GPC3: variants seen among roughly 807,000 people sequenced by gnomAD.
GPC3 encodes the protein glypican-3.
In GPC3, 3 loss-of-function variants were observed where a neutral mutation model predicts 34.4. That is an observed-to-expected ratio of 0.09 (90% CI 0.04 to 0.23). GPC3 has a LOEUF of 0.23. Ranked by LOEUF, GPC3 falls within the 10% of genes least tolerant of loss-of-function variation. The probability of loss-of-function intolerance (pLI) is 1.00; values close to 1 mark genes in which losing one functional copy is unlikely to be tolerated. For synonymous variants in GPC3, 177 were observed against 174.0 expected (o/e 1.02, Z -0.13); for missense variants, 351 against 445.6 (o/e 0.79, Z 1.91).
chrX:133,538,282 C>A (rs1289623723), intron 7 of GPC3, among the ~76,000 whole-genome samples: 1 of 112,418 alleles, frequency 8.9e-6, no homozygotes. Context: ...AAGGATAGCA[C>A]AGGCTTAGGT....
In GPC3 at chrX:133,826,119, C is replaced by T. The variant is rs1179034848; in HGVS notation, c.338-71943G>A. Among the ~76,000 whole-genome samples, 4 of 111,577 alleles carry T rather than the reference C, an allele frequency of 3.6e-5. No homozygotes were observed. The East Asian group carries it at 1.1e-3, about 31-fold the overall frequency. On this transcript the variant is annotated intron_variant, in intron 2 of 7. Transcript: ENST00000370818. ...AACGCCCAATTTTTAACCAAAAAAC[C>T]CACAAAAGACACGCAAAGAAACAAG...
intron 5 of GPC3, among the ~76,000 whole-genome samples, chrX:133,688,764 A>T (rs1226215163): frequency 9.0e-6 from 1 of 111,631 alleles, no homozygotes; most frequent in African/African-American, 3.3e-5. Context: ...AGGAAGTGGT[A>T]ACTGTTACTT....
chrX:133,673,515 A>G (rs1384546220), intron 5 of GPC3, among the ~76,000 whole-genome samples: 1 of 112,669 alleles, frequency 8.9e-6, no homozygotes. Context: ...CTGACGTTCA[A>G]AATAATGATC....
rs762285202 is a variant in GPC3, at chrX:133,555,491, T to C, written c.1574-19198A>G. Reference sequence around the variant, plus strand: ...TCTTTCTGAAGATCTAACTGCCCACTGGCCATTTCTACTTGGATGTCTCTC... The same window carrying C: ...TCTTTCTGAAGATCTAACTGCCCACCGGCCATTTCTACTTGGATGTCTCTC... On this transcript the variant is annotated intron_variant, in intron 7 of 7. Coordinates refer to ENST00000370818, the MANE Select transcript of GPC3 (RefSeq NM_004484.4). Among the ~76,000 whole-genome samples the C allele has an allele frequency of 7.0e-4, 78 of 111,951 alleles. 1 individual carries two copies. Among genetic ancestry groups the C allele is most frequent in the Non-Finnish European group, 5.1e-4 (27 of 53,238 alleles).
intron 6 of GPC3, among the ~76,000 whole-genome samples, chrX:133,655,067 C>T (rs2070642277): frequency 9.0e-6 from 1 of 111,671 alleles, no homozygotes; most frequent in African/African-American, 3.3e-5. Context: ...ATTTAATATG[C>T]AAGGACTAAA....
intron 5 of GPC3, among the ~76,000 whole-genome samples, chrX:133,685,051 AT>A (rs2070985227): frequency 9.0e-6 from 1 of 111,146 alleles, no homozygotes; most frequent in African/African-American, 3.3e-5. Context: ...CCACTATATA[AT>A]TGATCCATGT....
chrX:133,905,540 T>G (rs2076164253), intron 2 of GPC3, among the ~76,000 whole-genome samples: 1 of 112,062 alleles, frequency 8.9e-6, no homozygotes, highest in Non-Finnish European at 1.9e-5. Context: ...GATCACACCT[T>G]CAGGTTATCA....
intron 3 of GPC3, chrX:133,704,142 C>T (rs2071192887): frequency 2.1e-5 from 14 of 670,092 alleles, no homozygotes; most frequent in Non-Finnish European, 2.7e-5. Context: ...GCCTACCACC[C>T]CACTTCCACC....
At chrX:133,721,260 C>T (rs771256496) in intron 3 of GPC3, among the ~76,000 whole-genome samples, 1 of 108,924 alleles carries the variant, frequency 9.2e-6, no homozygotes, top group South Asian at 4.0e-4. Flanking sequence ...ACTGATAAAC[C>T]TTTAGGTAGA....
At chrX:133,617,837 T>C (rs939045350) in intron 6 of GPC3, among the ~76,000 whole-genome samples, 20 of 111,491 alleles carry the variant, frequency 1.8e-4, no homozygotes, top group African/African-American at 5.9e-4. Context: ...TTGCCCAGGC[T>C]GGTCTCCAAC....
chrX:133,856,290 G>C (rs1246001466), intron 2 of GPC3, among the ~76,000 whole-genome samples: 1 of 110,797 alleles, frequency 9.0e-6, no homozygotes, highest in Non-Finnish European at 1.9e-5. Context: ...GTTATCTCTT[G>C]TCTTTTTTAT....
At chrX:133,815,991 C>T (rs2075689708) in intron 2 of GPC3, among the ~76,000 whole-genome samples, 1 of 111,729 alleles carries the variant, frequency 9.0e-6, no homozygotes, top group Admixed American at 9.5e-5. Context: ...ACCATCCTCT[C>T]TCTCTCCTTC....
At chrX:133,749,859 T>A (rs192735857) in intron 3 of GPC3, among the ~76,000 whole-genome samples, 9 of 111,285 alleles carry the variant, frequency 8.1e-5, no homozygotes, top group African/African-American at 2.9e-4. Context: ...GTGGGTTTGT[T>A]AATGTGAATA....
chrX:133,958,779 C>T (rs372058470), intron 1 of GPC3, among the ~76,000 whole-genome samples: 17 of 103,942 alleles, frequency 1.6e-4, no homozygotes, highest in Admixed American at 1.2e-3. Flanking sequence ...CCAGCTACTC[C>T]GGAGGTTGAG....
At chrX:133,593,215 C>G in intron 7 of GPC3, among the ~76,000 whole-genome samples, 1 of 106,366 alleles carries the variant, frequency 9.4e-6, no homozygotes. Context: ...GTAATCCCAG[C>G]TACTCAGGAG....
intron 6 of GPC3, among the ~76,000 whole-genome samples, chrX:133,661,305 G>A (rs1321442990): frequency 4.5e-5 from 5 of 112,146 alleles, no homozygotes; most frequent in African/African-American, 1.3e-4. Context: ...GTCTGTGTGA[G>A]TGTGCCTTTC....
chrX:133,747,279 C>T (rs1332806689), intron 3 of GPC3, among the ~76,000 whole-genome samples: 1 of 111,937 alleles, frequency 8.9e-6, no homozygotes, highest in Non-Finnish European at 1.9e-5. Flanking sequence ...ACCGGCACTG[C>T]TCACATAGAT....
intron 2 of GPC3, among the ~76,000 whole-genome samples, chrX:133,899,278 T>C (rs967915026): frequency 9.0e-6 from 1 of 111,681 alleles, no homozygotes; most frequent in Non-Finnish European, 1.9e-5. Flanking sequence ...TGGGTGTATA[T>C]TTACATCATG....
chrX:133,880,821 C>G lies in GPC3; in HGVS notation c.337+72229G>C, dbSNP rs369681285. Among the ~76,000 whole-genome samples the G allele has an allele frequency of 3.6e-5, 4 of 111,575 alleles. No individual in the cohort carries two copies. The Admixed American group carries it at 3.8e-4, about 11-fold the overall frequency. ...TAAAATAAGATGAGGCAGTAGTCTT[C>G]AAAACATCATCCTAAACTACAAAGC... On this transcript the variant is annotated intron_variant, in intron 2 of 7. Transcript: ENST00000370818.
Sources: gnomAD v4.1 joint callset for allele counts (sites outside exome capture counted in the v4.1 genomes callset) on GRCh38, gnomAD v4.1.1 for gene constraint, MANE v1.5 for transcripts, NCBI Gene and HGNC (gene_info 2026-07-23, HGNC 2026-07-21) for gene names.